The following CEP57L1 variants were observed in gnomAD, a reference collection of about 807,000 sequenced individuals.
CEP57L1 encodes the protein centrosomal protein 57 like 1, also known as centrosomal protein CEP57L1.
In CEP57L1, 37 loss-of-function variants were observed where a neutral mutation model predicts 61.0. The ratio of observed to expected loss-of-function variants is 0.61; its 90% CI spans 0.47 to 0.80. The LOEUF is 0.80. CEP57L1 is among the 30% of genes least tolerant of loss of function. The pLI is 0.00. For synonymous variants in CEP57L1, 137 were observed against 162.3 expected (o/e 0.84, Z 1.19); for missense variants, 422 against 524.7 (o/e 0.80, Z 1.91).
At position 109,174,099 on chromosome 6, in the gene CEP57L1, C is replaced by CAAAAAAAAAAAAAAA. The variant is rs1298260523; in HGVS notation, c.*11130_*11144dup. Among the ~76,000 whole-genome samples, 1 of 81,902 alleles carries CAAAAAAAAAAAAAAA rather than the reference C, an allele frequency of 1.2e-5. No homozygotes were observed. Among genetic ancestry groups the CAAAAAAAAAAAAAAA allele is most frequent in the African/African-American group, 4.8e-5 (1 of 20,848 alleles). The allele number at this position is 81,902 out of a possible 152,430, so 53.7% of individuals were successfully genotyped here. On this transcript the variant is annotated 3_prime_UTR_variant, in exon 11 of 11. Transcript: ENST00000517392. ...TGAGCCATAGAGTGAGTCTTGGTCT[C>CAAAAAAAAAAAAAAA]AAAAAAAAAAAAAAACCTTGTGTTG...
intron 1 of CEP57L1, among the ~76,000 whole-genome samples, chr6:109,122,928 C>A (rs574050816): frequency 1.2e-4 from 19 of 152,266 alleles, no homozygotes; most frequent in African/African-American, 4.1e-4. Flanking sequence ...TTACACATTT[C>A]TTTGCTCATT....
chr6:109,127,511 C>A (rs1446483995), intron 1 of CEP57L1, among the ~76,000 whole-genome samples: 1 of 151,540 alleles, frequency 6.6e-6, no homozygotes, highest in Non-Finnish European at 1.5e-5. Context: ...CTTTCTCCTG[C>A]TTTTTCCCCA....
chr6:109,136,831 C>T (rs1770790250), intron 1 of CEP57L1, among the ~76,000 whole-genome samples: 1 of 152,014 alleles, frequency 6.6e-6, no homozygotes, highest in Admixed American at 6.6e-5. Flanking sequence ...TCTCGGCTCA[C>T]TGCAGCCTCC....
chr6:109,136,561 TAA>T (rs373000667), intron 1 of CEP57L1, among the ~76,000 whole-genome samples: 121 of 138,164 alleles, frequency 8.8e-4, no homozygotes, highest in African/African-American at 3.0e-3. Flanking sequence ...ACTATAAGTA[TAA>T]AAAAAAAAAA....
chr6:109,122,659 G>A lies in CEP57L1; in HGVS notation c.-3-22560G>A, dbSNP rs548452343. Among the ~76,000 whole-genome samples the A allele has an allele frequency of 7.8e-4, 118 of 152,124 alleles. 1 individual carries two copies. The highest frequency in any genetic ancestry group is 1.1e-3 in the Non-Finnish European group (77 of 67,994). On this transcript the variant is annotated intron_variant, in intron 1 of 10. Coordinates refer to ENST00000517392, the MANE Select transcript of CEP57L1 (RefSeq NM_001271852.3). ...CTACTAAAGATACAAAAAATTAGCC[G>A]GGCATGGTGGTGCACACCTGTAACC... is the stretch of plus-strand genomic sequence containing the variant.
rs1023086778 is a variant in CEP57L1 at position 109,168,436 on chromosome 6, T to A, written c.*5466T>A. Among the ~76,000 whole-genome samples, 2 of 152,192 alleles carry A rather than the reference T, an allele frequency of 1.3e-5. No homozygotes were observed. Among genetic ancestry groups the A allele is most frequent in the African/African-American group, 4.8e-5 (2 of 41,456 alleles). ...CCAAGTATTGACTTGCACAGAATTG[T>A]GTAAATGATTGCCATTCACTTCCCT... On this transcript the variant is annotated 3_prime_UTR_variant, in exon 11 of 11. Transcript: ENST00000517392.
chr6:109,106,631 T>C (rs1009904272), intron 1 of CEP57L1, among the ~76,000 whole-genome samples: 2 of 152,158 alleles, frequency 1.3e-5, no homozygotes, highest in Admixed American at 6.5e-5. Context: ...TTGGCTTTTT[T>C]AAAATTAATG....
At chr6:109,131,004 G>A (rs1774131352) in intron 1 of CEP57L1, among the ~76,000 whole-genome samples, 1 of 152,084 alleles carries the variant, frequency 6.6e-6, no homozygotes, top group Non-Finnish European at 1.5e-5. Context: ...AGCTATTGAT[G>A]CTTCTTGCCT....
At chr6:109,154,589 A>G (rs779678227) in intron 5 of CEP57L1, among the ~76,000 whole-genome samples, 1 of 152,114 alleles carries the variant, frequency 6.6e-6, no homozygotes, top group Non-Finnish European at 1.5e-5. Flanking sequence ...ATATACTCCA[A>G]AATCCAAAAC....
At chr6:109,153,231 CTTTTTT>C (rs34538762) in intron 4 of CEP57L1, among the ~76,000 whole-genome samples, 2 of 79,000 alleles carry the variant, frequency 2.5e-5, no homozygotes, top group Admixed American at 1.4e-4. Context: ...CTAATCTGCA[CTTTTTT>C]TTTTTTTTTT....
intron 1 of CEP57L1, among the ~76,000 whole-genome samples, chr6:109,097,643 C>A (rs1781866123): frequency 6.6e-6 from 1 of 152,102 alleles, no homozygotes; most frequent in Non-Finnish European, 1.5e-5. Context: ...AGCTTGCATT[C>A]TACTGAGGAG....
At chr6:109,096,890 T>C (rs1781766335) in intron 1 of CEP57L1, among the ~76,000 whole-genome samples, 1 of 152,232 alleles carries the variant, frequency 6.6e-6, no homozygotes, top group South Asian at 2.1e-4. Flanking sequence ...TATGATCTCA[T>C]GTATACCCAT....
Position 109,155,101 on chromosome 6 carries a change from T to G in CEP57L1, c.580-129T>G, listed in dbSNP as rs1220386340. 7 of 451,538 alleles carry G rather than the reference T, an allele frequency of 1.6e-5. No individual in the cohort carries two copies. The Admixed American group carries it at 2.5e-4, about 16-fold the overall frequency. The allele number at this position is 451,538 out of a possible 1,614,324, so 28.0% of individuals were successfully genotyped here. ...TCTTAACATCTTGTGCCATTCCTTT[T>G]TCTTATTTTCTGCCTTAATTTGCCA... On this transcript the variant is annotated intron_variant, in intron 5 of 10. Transcript: ENST00000517392.
chr6:109,125,024 A>G (rs1203744773), intron 1 of CEP57L1: 1 of 152,204 alleles, frequency 6.6e-6, no homozygotes, highest in South Asian at 2.1e-4. Flanking sequence ...GTGTTCTGCT[A>G]GAAACAGGTA....
At chr6:109,130,191 A>G (rs1308020134) in intron 1 of CEP57L1, among the ~76,000 whole-genome samples, 1 of 152,104 alleles carries the variant, frequency 6.6e-6, no homozygotes, top group African/African-American at 2.4e-5. Context: ...CATCTGGCAA[A>G]ACTGAAACTC....
In CEP57L1 at chr6:109,169,269, A is replaced by G. The variant is rs1412594833; in HGVS notation, c.*6299A>G. On this transcript the variant is annotated 3_prime_UTR_variant, in exon 11 of 11. Transcript: ENST00000517392. ...AAAAGATCAGAGTGCATCACACATA[A>G]TTAAGGTAGCTTATGTTTTGTGAAA... is the stretch of plus-strand genomic sequence containing the variant. Among the ~76,000 whole-genome samples the G allele has an allele frequency of 6.6e-6, 1 of 151,890 alleles. No homozygotes were observed. Among genetic ancestry groups the G allele is most frequent in the Non-Finnish European group, 1.5e-5 (1 of 67,962 alleles).
intron 3 of CEP57L1, among the ~76,000 whole-genome samples, chr6:109,149,521 G>A (rs1367731847): frequency 6.6e-6 from 1 of 152,050 alleles, no homozygotes; most frequent in African/African-American, 2.4e-5. Flanking sequence ...GGTTACTGTA[G>A]CCTTGTAGTA....
At chr6:109,133,652 A>T (rs1774459945) in intron 1 of CEP57L1, among the ~76,000 whole-genome samples, 1 of 152,192 alleles carries the variant, frequency 6.6e-6, no homozygotes, top group Non-Finnish European at 1.5e-5. Flanking sequence ...GATCAACAAA[A>T]TTGATAGACC....
intron 7 of CEP57L1, chr6:109,156,440 AAAGT>A (rs1461400086): frequency 2.6e-5 from 4 of 152,156 alleles, no homozygotes; most frequent in Admixed American, 2.6e-4. Flanking sequence ...AATTTGCCCA[AAAGT>A]AAGGATTGGA....
Sources: gnomAD v4.1 joint callset for allele counts (sites outside exome capture counted in the v4.1 genomes callset) on GRCh38, gnomAD v4.1.1 for gene constraint, MANE v1.5 for transcripts, NCBI Gene and HGNC (gene_info 2026-07-23, HGNC 2026-07-21) for gene names.